The following KIF26B variants were observed in gnomAD, a reference collection of about 807,000 sequenced individuals.
The protein encoded by KIF26B is kinesin-like protein KIF26B.
KIF26B carries 63 observed loss-of-function variants against 151.2 expected under a neutral mutation model. The observed-to-expected ratio is 0.42, with a 90% CI of 0.34 to 0.51. The LOEUF is 0.51. Among genes scored for constraint, KIF26B ranks in the 20% least tolerant of loss-of-function variants. The pLI is 0.07. For missense variants in KIF26B, 2,813 were observed against 2,913.6 expected (o/e 0.97, Z 0.79); for synonymous variants, 1,357 against 1,262.1 (o/e 1.08, Z -1.59).
intron 4 of KIF26B, among the ~76,000 whole-genome samples, chr1:245,497,256 A>G (rs1660532755): frequency 6.6e-6 from 1 of 152,208 alleles, no homozygotes; most frequent in Admixed American, 6.5e-5. Flanking sequence ...CATAGAAACA[A>G]CATGTCTCTC....
chr1:245,679,261 C>T (rs1312619433), intron 10 of KIF26B, among the ~76,000 whole-genome samples: 2 of 152,066 alleles, frequency 1.3e-5, no homozygotes, highest in African/African-American at 4.8e-5. Context: ...AGTGTGCCAG[C>T]TTGGGCCTGC....
intron 5 of KIF26B, among the ~76,000 whole-genome samples, chr1:245,581,930 AAGGAAGG>A (rs1168747643): frequency 8.9e-6 from 1 of 112,592 alleles, no homozygotes; most frequent in Non-Finnish European, 2.2e-5. Flanking sequence ...GAGAAAGAGG[AAGGAAGG>A]AAGGAAGGAA....
At chr1:245,701,901 A>G (rs1336371208) in intron 14 of KIF26B, among the ~76,000 whole-genome samples, 1 of 152,190 alleles carries the variant, frequency 6.6e-6, no homozygotes, top group Non-Finnish European at 1.5e-5. Context: ...TGGACAAAGC[A>G]GGGGACTTGA....
chr1:245,634,473 T>C lies in KIF26B; in HGVS notation c.2099-11648T>C, dbSNP rs565080629. On this transcript the variant is annotated intron_variant, in intron 9 of 14. Coordinates refer to ENST00000407071, the MANE Select transcript of KIF26B (RefSeq NM_018012.4). ...GATGTTAGCTTTAGTTTTTAGTAGA[T>C]ACCTTTTATTAAATTGAGGATATTG... is the stretch of plus-strand genomic sequence containing the variant. 2.0e-4 allele frequency among the ~76,000 whole-genome samples: 30 copies of C among 152,344 alleles called. No homozygotes were observed. In the South Asian group the frequency reaches 6.2e-3, roughly 32 times the overall value.
chr1:245,322,152 C>T (rs984353511), intron 2 of KIF26B, among the ~76,000 whole-genome samples: 1 of 151,908 alleles, frequency 6.6e-6, no homozygotes, highest in Non-Finnish European at 1.5e-5. Flanking sequence ...TGTTCTCGCT[C>T]ATAAGTAGGA....
chr1:245,366,825 G>A lies in KIF26B; in HGVS notation c.466-9G>A, dbSNP rs1307833098. On this transcript the variant is annotated splice_polypyrimidine_tract_variant and intron_variant, in intron 2 of 14. Coordinates refer to ENST00000407071, the MANE Select transcript of KIF26B (RefSeq NM_018012.4). ...GAATCTCCTCTCCCTCTGCTTCTGT[G>A]TTCTGTAGGACCCTGCTTTCTCGGC... is the stretch of plus-strand genomic sequence containing the variant. The A allele has an allele frequency of 6.2e-7, 1 of 1,612,694 alleles. No individual in the cohort carries two copies. Among genetic ancestry groups the A allele is most frequent in the South Asian group, 1.1e-5 (1 of 91,030 alleles).
At chr1:245,541,590 G>A (rs567740231) in intron 5 of KIF26B, among the ~76,000 whole-genome samples, 8 of 152,266 alleles carry the variant, frequency 5.3e-5, no homozygotes, top group South Asian at 4.1e-4. Flanking sequence ...AGTAACTTAC[G>A]GTTTACTCAT....
At position 245,253,934 on chromosome 1, in the gene KIF26B, C is replaced by T. The variant is rs1370877859; in HGVS notation, c.465+97251C>T. Reference sequence around the variant, plus strand: ...ACGCCATTCTCCTGCCTCAGCCTCCCGAGTAGCTGGGACTACAGGCGCCCG... The same window carrying T: ...ACGCCATTCTCCTGCCTCAGCCTCCTGAGTAGCTGGGACTACAGGCGCCCG... On this transcript the variant is annotated intron_variant, in intron 2 of 14. Transcript: ENST00000407071. Among the ~76,000 whole-genome samples the T allele has an allele frequency of 2.0e-5, 3 of 151,328 alleles. 1 individual carries two copies. The highest frequency in any genetic ancestry group is 1.9e-4 in the East Asian group (1 of 5,152).
chr1:245,699,868 A>G (rs1375211918), intron 14 of KIF26B, among the ~76,000 whole-genome samples: 2 of 152,162 alleles, frequency 1.3e-5, no homozygotes, highest in East Asian at 3.9e-4. Context: ...TGGAGGGCCT[A>G]CAGGTGGAGG....
At chr1:245,547,971 G>A (rs900208478) in intron 5 of KIF26B, among the ~76,000 whole-genome samples, 14 of 152,106 alleles carry the variant, frequency 9.2e-5, no homozygotes, top group African/African-American at 3.4e-4. Flanking sequence ...CTTTCTCCGT[G>A]GAGATCCTGC....
At chr1:245,339,522 A>C (rs6660435) in intron 2 of KIF26B, among the ~76,000 whole-genome samples, 3,983 of 152,064 alleles carry the variant, frequency 0.026, 176 homozygotes, top group African/African-American at 0.092. Flanking sequence ...GAGATTGTAG[A>C]TTCCTATGGG....
At chr1:245,343,041 A>C in intron 2 of KIF26B, among the ~76,000 whole-genome samples, 1 of 149,082 alleles carries the variant, frequency 6.7e-6, no homozygotes, top group East Asian at 2.0e-4. Context: ...AGCCGAGATC[A>C]CACCACTGCA....
At chr1:245,400,821 A>G (rs1384791353) in intron 3 of KIF26B, among the ~76,000 whole-genome samples, 1 of 152,110 alleles carries the variant, frequency 6.6e-6, no homozygotes, top group Non-Finnish European at 1.5e-5. Context: ...GAAAACCCCA[A>G]ATTCCATATG....
At chr1:245,333,327 C>G (rs189079380) in intron 2 of KIF26B, among the ~76,000 whole-genome samples, 20 of 152,314 alleles carry the variant, frequency 1.3e-4, no homozygotes, top group Admixed American at 7.8e-4. Flanking sequence ...GATGTTAAGT[C>G]GAATCAGCCA....
chr1:245,612,092 G>A (rs2043531167), intron 9 of KIF26B, 116 bp downstream of exon 9: 2 of 754,700 alleles, frequency 2.7e-6, no homozygotes, highest in Admixed American at 2.8e-5. Context: ...GTGTGTGTGT[G>A]TGTGTGTGTG....
intron 4 of KIF26B, among the ~76,000 whole-genome samples, chr1:245,436,613 C>G (rs1000736306): frequency 1.3e-5 from 2 of 152,108 alleles, no homozygotes; most frequent in Admixed American, 1.3e-4. Flanking sequence ...GAGGCCCACC[C>G]ACATGAATGG....
intron 4 of KIF26B, among the ~76,000 whole-genome samples, chr1:245,496,645 G>A (rs1660518580): frequency 6.6e-6 from 1 of 151,996 alleles, no homozygotes; most frequent in South Asian, 2.1e-4. Context: ...CATAAACTAG[G>A]TGGACTAATA....
intron 3 of KIF26B, among the ~76,000 whole-genome samples, chr1:245,386,960 A>G (rs534642509): frequency 1.3e-5 from 2 of 152,266 alleles, no homozygotes; most frequent in African/African-American, 4.8e-5. Flanking sequence ...GGGACATGCC[A>G]TGGCAGGGGC....
intron 5 of KIF26B, among the ~76,000 whole-genome samples, chr1:245,592,082 G>C (rs1255752018): frequency 6.6e-6 from 1 of 152,142 alleles, no homozygotes; most frequent in Non-Finnish European, 1.5e-5. Context: ...TCATTACCGG[G>C]CTCCATTCTC....
Sources: gnomAD v4.1 joint callset for allele counts (sites outside exome capture counted in the v4.1 genomes callset) on GRCh38, gnomAD v4.1.1 for gene constraint, MANE v1.5 for transcripts, NCBI Gene and HGNC (gene_info 2026-07-23, HGNC 2026-07-21) for gene names.